The following CDH4 variants were observed in gnomAD, a reference collection of about 807,000 sequenced individuals.
The protein encoded by CDH4 is cadherin-4.
In CDH4, 33 loss-of-function variants were observed where a neutral mutation model predicts 86.0. The ratio of observed to expected loss-of-function variants is 0.38; its 90% CI spans 0.29 to 0.51. CDH4 has a LOEUF of 0.51. CDH4 is among the 20% of genes least tolerant of loss of function. The probability of loss-of-function intolerance (pLI) is 0.86; values close to 1 mark genes in which losing one functional copy is unlikely to be tolerated. For synonymous variants in CDH4, 555 were observed against 549.4 expected, an observed-to-expected ratio of 1.01 and a Z score of -0.14; for missense variants, 1,114 against 1,307.4, an observed-to-expected ratio of 0.85 and a Z score of 2.28.
At chr20:61,670,485 G>A (rs1418432433) in intron 2 of CDH4, among the ~76,000 whole-genome samples, 1 of 152,192 alleles carries the variant, frequency 6.6e-6, no homozygotes, top group Admixed American at 6.5e-5. Flanking sequence ...AGCCAAGGGT[G>A]AAGTCAGCCC....
intron 2 of CDH4, among the ~76,000 whole-genome samples, chr20:61,319,169 AATATAAC>A (rs1363701622): frequency 6.6e-6 from 1 of 151,244 alleles, no homozygotes; most frequent in African/African-American, 2.4e-5. Context: ...AACATATAAA[AATATAAC>A]ATATAACATG....
Position 61,527,472 on chromosome 20 carries a change from A to G in CDH4, c.170-216091A>G, listed in dbSNP as rs542425604. On this transcript the variant is annotated intron_variant, in intron 2 of 15. Coordinates refer to ENST00000614565, the MANE Select transcript of CDH4 (RefSeq NM_001794.5). ...ACCCTGATGGCTAGGCTGTCCTCAA[A>G]CTCCTGACCTCAATTGATCTACCTG... Among the ~76,000 whole-genome samples the G allele has an allele frequency of 6.6e-5, 10 of 151,266 alleles. No individual in the cohort carries two copies. The East Asian group carries it at 1.8e-3, about 27-fold the overall frequency.
intron 2 of CDH4, among the ~76,000 whole-genome samples, chr20:61,405,488 C>T (rs995568777): frequency 6.6e-6 from 1 of 152,094 alleles, no homozygotes; most frequent in East Asian, 1.9e-4. Context: ...TGTGGTACAA[C>T]GACGCGCTGT....
At chr20:61,257,042 G>A (rs548695733) in intron 2 of CDH4, among the ~76,000 whole-genome samples, 1 of 152,366 alleles carries the variant, frequency 6.6e-6, no homozygotes, top group South Asian at 2.1e-4. Flanking sequence ...GTGTGAAGAG[G>A]AAACAGGAAG....
intron 3 of CDH4, among the ~76,000 whole-genome samples, chr20:61,752,685 G>A (rs540984479): frequency 7.8e-4 from 118 of 152,156 alleles, no homozygotes; most frequent in Non-Finnish European, 4.3e-4. Flanking sequence ...AATATTATAC[G>A]GCAGTAAAAG....
At chr20:61,935,525 A>C (rs918568172) in intron 15 of CDH4, among the ~76,000 whole-genome samples, 4 of 151,938 alleles carry the variant, frequency 2.6e-5, no homozygotes, top group African/African-American at 9.7e-5. Context: ...TGGGAGGCCA[A>C]GGCAGGTGGA....
At chr20:61,307,853 GAC>G (rs2084425906) in intron 2 of CDH4, among the ~76,000 whole-genome samples, 1 of 152,218 alleles carries the variant, frequency 6.6e-6, no homozygotes, top group Non-Finnish European at 1.5e-5. Flanking sequence ...CACCCACGGG[GAC>G]AAGTCAGTGT....
intron 2 of CDH4, among the ~76,000 whole-genome samples, chr20:61,607,715 C>G (rs1346008579): frequency 6.6e-6 from 1 of 152,232 alleles, no homozygotes; most frequent in African/African-American, 2.4e-5. Context: ...TTACCTGGGC[C>G]AGGCTGCCCT....
At chr20:61,790,368 TCTCTC>T (rs547265672) in intron 4 of CDH4, among the ~76,000 whole-genome samples, 101 of 150,754 alleles carry the variant, frequency 6.7e-4, no homozygotes, top group Non-Finnish European at 1.1e-3. Flanking sequence ...CATCCATTCA[TCTCTC>T]CACTCATCAT....
chr20:61,551,410 A>G (rs1420985317), intron 2 of CDH4, among the ~76,000 whole-genome samples: 3 of 152,210 alleles, frequency 2.0e-5, no homozygotes, highest in African/African-American at 7.2e-5. Flanking sequence ...TTTTCATAAA[A>G]TGAGTTCAAT....
At chr20:61,629,761 C>T (rs913720968) in intron 2 of CDH4, among the ~76,000 whole-genome samples, 6 of 152,210 alleles carry the variant, frequency 3.9e-5, no homozygotes, top group Non-Finnish European at 8.8e-5. Context: ...CTCCCTGCCC[C>T]CATGGGAAGG....
chr20:61,632,976 A>C (rs994069277), intron 2 of CDH4, among the ~76,000 whole-genome samples: 3 of 150,432 alleles, frequency 2.0e-5, no homozygotes, highest in Non-Finnish European at 3.0e-5. Context: ...ATACCCACCC[A>C]TCCATCTTCC....
intron 2 of CDH4, chr20:61,719,720 G>T: frequency 6.5e-6 from 1 of 153,258 alleles, no homozygotes; most frequent in Admixed American, 6.4e-5. Context: ...GTGTTTCCGA[G>T]CAGCCGTGTT....
chr20:61,260,033 T>C (rs2084120381), intron 2 of CDH4, among the ~76,000 whole-genome samples: 1 of 152,200 alleles, frequency 6.6e-6, no homozygotes. Context: ...CTGGACTCAT[T>C]GTCTCCTGAG....
chr20:61,452,936 A>G (rs1424598868), intron 2 of CDH4, among the ~76,000 whole-genome samples: 2 of 152,212 alleles, frequency 1.3e-5, no homozygotes, highest in African/African-American at 4.8e-5. Context: ...TCTTATAATA[A>G]CACACTTAAT....
At chr20:61,727,770 CCCTT>C (rs2088133104) in intron 2 of CDH4, among the ~76,000 whole-genome samples, 1 of 152,186 alleles carries the variant, frequency 6.6e-6, no homozygotes, top group Non-Finnish European at 1.5e-5. Context: ...CTCCCTCCCT[CCCTT>C]GAGAATGGCA....
intron 2 of CDH4, among the ~76,000 whole-genome samples, chr20:61,281,091 G>A (rs2084256161): frequency 6.6e-6 from 1 of 152,204 alleles, no homozygotes; most frequent in South Asian, 2.1e-4. Context: ...CGCCTGGCTG[G>A]GGTCAGAGCT....
intron 7 of CDH4, among the ~76,000 whole-genome samples, chr20:61,881,729 A>G (rs1023118804): frequency 6.6e-6 from 1 of 152,226 alleles, no homozygotes; most frequent in Non-Finnish European, 1.5e-5. Flanking sequence ...CCGGAAGTCC[A>G]GGTCCCCTGG....
At chr20:61,274,862 G>C (rs1266669246) in intron 2 of CDH4, among the ~76,000 whole-genome samples, 1 of 146,550 alleles carries the variant, frequency 6.8e-6, no homozygotes, top group Non-Finnish European at 1.5e-5. Flanking sequence ...ACTGCATGCG[G>C]TTGTTTGGGA....
Sources: allele counts gnomAD v4.1 joint callset (sites outside exome capture counted in the v4.1 genomes callset), GRCh38; gene constraint gnomAD v4.1.1; transcripts MANE v1.5; gene names NCBI Gene and HGNC (gene_info 2026-07-23, HGNC 2026-07-21).